Variants in MYOF observed in about 807,000 individuals in gnomAD.
MYOF encodes the protein myoferlin, also known as fer-1-like 3, myoferlin.
MYOF carries 244 observed loss-of-function variants against 284.2 expected under a neutral mutation model. That is an observed-to-expected ratio of 0.86 (90% CI 0.77 to 0.95). The LOEUF is 0.95. MYOF is among the 40% of genes least tolerant of loss of function. The pLI is 0.00. For synonymous variants in MYOF, 904 were observed against 919.7 expected, an observed-to-expected ratio of 0.98 and a Z score of 0.31; for missense variants, 2,496 against 2,560.6, an observed-to-expected ratio of 0.97 and a Z score of 0.54.
At chr10:93,378,693 G>GTGTGTGTGTGTATATATATATA in intron 21 of MYOF, among the ~76,000 whole-genome samples, 8 of 87,886 alleles carry the variant, frequency 9.1e-5, no homozygotes, top group South Asian at 5.6e-4. Context: ...GTGTGTGTGT[G>GTGTGTGTGTGTATATATATATA]TATATATATA....
chr10:93,410,749 G>T (rs1847869042), intron 5 of MYOF, among the ~76,000 whole-genome samples: 1 of 152,208 alleles, frequency 6.6e-6, no homozygotes, highest in Non-Finnish European at 1.5e-5. Context: ...AAGCCACCCT[G>T]TCTAGAACCC....
rs754587208 is a variant in MYOF at position 93,369,641 on chromosome 10, G to A, written c.2589+4C>T. 1.1e-5 allele frequency: 17 copies of A among 1,613,972 alleles called. No individual in the cohort carries two copies. Among genetic ancestry groups the A allele is most frequent in the Non-Finnish European group, 1.2e-5 (14 of 1,180,004 alleles). On this transcript the variant is annotated splice_donor_region_variant and intron_variant, in intron 25 of 53. Transcript: ENST00000359263. ...AGAAAAGATAGTGAAATCATTAAAG[G>A]TACCATTTCAGCAAAGACGGTGAAA...
At chr10:93,312,296 T>C (rs1304963414) in intron 51 of MYOF, among the ~76,000 whole-genome samples, 2 of 152,116 alleles carry the variant, frequency 1.3e-5, no homozygotes, top group African/African-American at 4.8e-5. Flanking sequence ...TTTATGGCCT[T>C]CTTATTCAAC....
intron 32 of MYOF, among the ~76,000 whole-genome samples, chr10:93,352,830 C>T (rs1844584431): frequency 6.6e-6 from 1 of 152,014 alleles, no homozygotes; most frequent in African/African-American, 2.4e-5. Context: ...ATAGAGTGCC[C>T]CCTGGTGGAA....
At chr10:93,307,046 T>TATG (rs1344295236) in intron 53 of MYOF, 45 bp from the exon 54 acceptor site, 1 of 1,520,446 alleles carries the variant, frequency 6.6e-7, no homozygotes, top group East Asian at 2.3e-5. Context: ...TGTATGTATA[T>TATG]ATGTTTTTCA....
chr10:93,356,805 G>A lies in MYOF; in HGVS notation c.3164C>T (p.Ser1055Phe), dbSNP rs1381435189. Residue 1055 changes from serine to phenylalanine, a missense_variant, in exon 30 of 54, where the codon TCT becomes TTT. Ser to Phe is a radical substitution (Grantham distance 155). Transcript: ENST00000359263. ...LQDQEGWEYA[S>F]LIGWKFHWKQ... The stretch of plus-strand genomic sequence containing the variant: ...CCAGTGAAATTTCCAGCCAATTAGA[G>A]AAGCATATTCCCAGCCCTCTTGGTC... 2.5e-6 allele frequency: 4 copies of A among 1,614,120 alleles called. No individual in the cohort carries two copies. The South Asian group carries it at 3.3e-5, about 13-fold the overall frequency.
chr10:93,432,374 GAGAC>G (rs1270154775), intron 3 of MYOF, among the ~76,000 whole-genome samples: 2 of 151,796 alleles, frequency 1.3e-5, no homozygotes, highest in African/African-American at 4.8e-5. Flanking sequence ...GCGACAGAGT[GAGAC>G]CTTGTCTCAA....
intron 12 of MYOF, among the ~76,000 whole-genome samples, chr10:93,400,322 TC>T (rs1279914557): frequency 2.8e-4 from 25 of 90,698 alleles, no homozygotes; most frequent in East Asian, 2.2e-3. Context: ...TTCTTCTTCT[TC>T]TTCTTCTTTT....
chr10:93,333,937 T>C (rs1328332413), intron 41 of MYOF, 24 bp from the exon 42 acceptor site: 2 of 1,609,638 alleles, frequency 1.2e-6, no homozygotes, highest in Non-Finnish European at 1.7e-6. Context: ...ACAGAAGGAC[T>C]CACAGGGCCC....
intron 48 of MYOF, among the ~76,000 whole-genome samples, chr10:93,321,355 T>G (rs1395752908): frequency 6.6e-6 from 1 of 152,074 alleles, no homozygotes. Context: ...TTTTCCTTTT[T>G]GCTAGTCAAT....
intron 50 of MYOF, among the ~76,000 whole-genome samples, chr10:93,314,207 G>A (rs1842515043): frequency 1.3e-5 from 2 of 152,148 alleles, no homozygotes; most frequent in African/African-American, 4.8e-5. Flanking sequence ...TCATGCCTCA[G>A]CCTCCCTAGT....
intron 40 of MYOF, among the ~76,000 whole-genome samples, chr10:93,336,936 A>G (rs775112190): frequency 4.0e-5 from 6 of 150,126 alleles, no homozygotes; most frequent in African/African-American, 1.5e-4. Context: ...GGAAGGAAGG[A>G]AGGAAAGAAA....
chr10:93,427,014 A>G (rs112815817), intron 4 of MYOF, among the ~76,000 whole-genome samples: 19,662 of 147,624 alleles, frequency 0.13, 1,400 homozygotes, highest in Middle Eastern at 0.2. Context: ...AGCCTCCCGA[A>G]TGGCTGGGAA....
intron 12 of MYOF, among the ~76,000 whole-genome samples, chr10:93,401,072 A>G (rs1157228904): frequency 6.6e-6 from 1 of 151,294 alleles, no homozygotes; most frequent in Non-Finnish European, 1.5e-5. Context: ...ATTTGATAAT[A>G]ACAGTTCACA....
intron 5 of MYOF, among the ~76,000 whole-genome samples, chr10:93,414,269 G>A (rs1194579878): frequency 6.6e-6 from 1 of 152,056 alleles, no homozygotes; most frequent in East Asian, 1.9e-4. Flanking sequence ...AGGTTTGGCG[G>A]CTCACACCTG....
intron 10 of MYOF, 107 bp downstream of exon 10, chr10:93,402,753 A>G: frequency 2.1e-6 from 2 of 974,540 alleles, no homozygotes; most frequent in South Asian, 1.8e-5. Flanking sequence ...AATTCCTTTA[A>G]CTTTAATTCT....
At position 93,455,266 on chromosome 10, in the gene MYOF, C is replaced by T. The variant is rs553700744; in HGVS notation, c.144+1616G>A. ...TGCACTCCAGCCTGGGCAAGAAGAG[C>T]GAAACTCCATCTCAAAAAAACAAAA... On this transcript the variant is annotated intron_variant, in intron 2 of 53. Transcript: ENST00000359263. Among the ~76,000 whole-genome samples the T allele has an allele frequency of 8.7e-5, 13 of 149,762 alleles. No individual in the cohort carries two copies. The South Asian group carries it at 1.5e-3, about 17-fold the overall frequency.
intron 3 of MYOF, among the ~76,000 whole-genome samples, chr10:93,440,155 T>C (rs2056199615): frequency 6.6e-6 from 1 of 152,174 alleles, no homozygotes; most frequent in Admixed American, 6.5e-5. Flanking sequence ...GGCTCATGCC[T>C]GTAATCCCAG....
intron 17 of MYOF, among the ~76,000 whole-genome samples, chr10:93,392,303 T>C (rs945909821): frequency 6.6e-6 from 1 of 152,190 alleles, no homozygotes; most frequent in Non-Finnish European, 1.5e-5. Flanking sequence ...GGGCGAATCA[T>C]GCTTATCTGA....
Sources: allele counts gnomAD v4.1 joint callset (sites outside exome capture counted in the v4.1 genomes callset), GRCh38; gene constraint gnomAD v4.1.1; transcripts MANE v1.5; gene names NCBI Gene and HGNC (gene_info 2026-07-23, HGNC 2026-07-21).